The following ATRX variants were observed in gnomAD, a reference collection of about 807,000 sequenced individuals.
ATRX encodes ATRX chromatin remodeler.
ATRX carries 12 observed loss-of-function variants against 172.6 expected under a neutral mutation model. The ratio of observed to expected loss-of-function variants is 0.07; its 90% CI spans 0.04 to 0.11. ATRX has a LOEUF of 0.11. Ranked by LOEUF, ATRX falls within the 10% of genes least tolerant of loss-of-function variation. The pLI, the probability that ATRX is intolerant of heterozygous loss-of-function variation, is 1.00. For synonymous variants in ATRX, 674 were observed against 594.7 expected, an observed-to-expected ratio of 1.13 and a Z score of -1.94; for missense variants, 1,368 against 1,767.4, an observed-to-expected ratio of 0.77 and a Z score of 4.05.
chrX:77,642,692 C>T (rs782513915), intron 15 of ATRX, among the ~76,000 whole-genome samples: 1 of 109,083 alleles, frequency 9.2e-6, no homozygotes, highest in South Asian at 4.0e-4. Flanking sequence ...ATGTAGATAT[C>T]AACAAAACAA....
intron 22 of ATRX, among the ~76,000 whole-genome samples, chrX:77,611,981 T>C (rs782051770): frequency 2.7e-5 from 3 of 112,303 alleles, no homozygotes; most frequent in African/African-American, 6.4e-5. Context: ...TTCTTGGATT[T>C]TGTAATTTTG....
At chrX:77,726,375 A>G (rs1422495490) in intron 1 of ATRX, among the ~76,000 whole-genome samples, 4 of 107,604 alleles carry the variant, frequency 3.7e-5, no homozygotes, top group African/African-American at 1.4e-4. Context: ...TCGCAAGGAC[A>G]AAAAACCAAA....
intron 22 of ATRX, chrX:77,615,844 T>C: frequency 2.2e-6 from 1 of 458,983 alleles, no homozygotes; most frequent in Non-Finnish European, 2.7e-6. Flanking sequence ...ATTACTGTAT[T>C]CACAATTGGC....
chrX:77,702,776 G>A (rs1289597751), intron 2 of ATRX, among the ~76,000 whole-genome samples: 1 of 111,209 alleles, frequency 9.0e-6, no homozygotes, highest in African/African-American at 3.3e-5. Context: ...GCCCAGGCTG[G>A]AGTGCAGTGG....
intron 1 of ATRX, among the ~76,000 whole-genome samples, chrX:77,727,482 A>G (rs1340939791): frequency 1.8e-5 from 2 of 111,517 alleles, no homozygotes; most frequent in Admixed American, 1.9e-4. Flanking sequence ...CCTATACACC[A>G]CGGAATACTA....
chrX:77,729,491 T>C (rs1041789121), intron 1 of ATRX, among the ~76,000 whole-genome samples: 1 of 112,386 alleles, frequency 8.9e-6, no homozygotes, highest in Admixed American at 9.5e-5. Flanking sequence ...AGACTTTTCT[T>C]TAAAATTTGA....
At chrX:77,660,660 A>G (rs1557122167) in intron 12 of ATRX, among the ~76,000 whole-genome samples, 1 of 111,368 alleles carries the variant, frequency 9.0e-6, no homozygotes, top group African/African-American at 3.3e-5. Flanking sequence ...ATGTACTATT[A>G]TTTATTAACA....
At chrX:77,716,110 A>ATTTTTTTTTTTT (rs199639051) in intron 2 of ATRX, among the ~76,000 whole-genome samples, 10 of 54,389 alleles carry the variant, frequency 1.8e-4, no homozygotes, top group East Asian at 1.3e-3. Context: ...GTCTCTAAAA[A>ATTTTTTTTTTTT]TTTTTTTTTT....
At chrX:77,726,111 C>T (rs563003400) in intron 1 of ATRX, among the ~76,000 whole-genome samples, 65 of 111,503 alleles carry the variant, frequency 5.8e-4, no homozygotes, top group South Asian at 2.6e-3. Flanking sequence ...GACCCAGCCA[C>T]CCCATTACTG....
At chrX:77,767,792 C>T (rs1217009921) in intron 1 of ATRX, among the ~76,000 whole-genome samples, 1 of 111,816 alleles carries the variant, frequency 8.9e-6, no homozygotes, top group Non-Finnish European at 1.9e-5. Context: ...CTGTTTTATT[C>T]ACACTATCTT....
At chrX:77,561,984 T>C (rs2065035283) in intron 28 of ATRX, among the ~76,000 whole-genome samples, 2 of 111,760 alleles carry the variant, frequency 1.8e-5, no homozygotes, top group Non-Finnish European at 3.8e-5. Flanking sequence ...TGTTCTGTCA[T>C]CACAAAAAAA....
chrX:77,642,741 C>T (rs2068718170), intron 15 of ATRX, among the ~76,000 whole-genome samples: 1 of 111,073 alleles, frequency 9.0e-6, no homozygotes, highest in African/African-American at 3.3e-5. Context: ...CCACACAGAA[C>T]TATTTTGTAA....
At chrX:77,522,961 G>A (rs782022290) in intron 31 of ATRX, among the ~76,000 whole-genome samples, 1 of 111,415 alleles carries the variant, frequency 9.0e-6, no homozygotes, top group African/African-American at 3.3e-5. Flanking sequence ...ACTGATGGGA[G>A]GTTAGTGATG....
At chrX:77,624,909 A>G (rs2067760032) in intron 19 of ATRX, among the ~76,000 whole-genome samples, 1 of 111,825 alleles carries the variant, frequency 8.9e-6, no homozygotes, top group African/African-American at 3.3e-5. Context: ...ATTCATATGG[A>G]ACCAAAAAAG....
chrX:77,595,138 T>C (rs1557083230), intron 25 of ATRX: 1 of 112,271 alleles, frequency 8.9e-6, no homozygotes, highest in Non-Finnish European at 1.9e-5. Flanking sequence ...ACTTATAGTC[T>C]TTATCAAATA....
chrX:77,700,547 G>A (rs1209587226), intron 2 of ATRX, among the ~76,000 whole-genome samples: 2 of 112,257 alleles, frequency 1.8e-5, no homozygotes, highest in African/African-American at 6.5e-5. Flanking sequence ...ATTTATAAAT[G>A]TCTTTATTTT....
chrX:77,778,989 G>A (rs1413151178), intron 1 of ATRX, among the ~76,000 whole-genome samples: 1 of 106,568 alleles, frequency 9.4e-6, no homozygotes, highest in Non-Finnish European at 1.9e-5. Context: ...GTGCAGTGGC[G>A]CGATCTCGGC....
chrX:77,646,338 C>CT (rs1467811843), intron 15 of ATRX, among the ~76,000 whole-genome samples: 1 of 111,525 alleles, frequency 9.0e-6, no homozygotes, highest in Non-Finnish European at 1.9e-5. Flanking sequence ...ACAAAATAGA[C>CT]TTTAAGTCAG....
At chrX:77,635,718 C>T (rs183763619) in intron 16 of ATRX, among the ~76,000 whole-genome samples, 197 bp downstream of exon 16, 237 of 112,092 alleles carry the variant, frequency 2.1e-3, no homozygotes, top group Non-Finnish European at 3.5e-3. Flanking sequence ...TTTTATAACG[C>T]TCATTGTGTT....
Sources: allele counts gnomAD v4.1 joint callset (sites outside exome capture counted in the v4.1 genomes callset), GRCh38; gene constraint gnomAD v4.1.1; transcripts MANE v1.5; gene names NCBI Gene and HGNC (gene_info 2026-07-23, HGNC 2026-07-21).